Variants in ATP2B3 observed in about 807,000 individuals in gnomAD.
ATP2B3 encodes plasma membrane calcium-transporting ATPase 3.
In ATP2B3, 12 loss-of-function variants were observed where a neutral mutation model predicts 70.8. That is an observed-to-expected ratio of 0.17 (90% CI 0.11 to 0.27). The LOEUF is 0.27. Among genes scored for constraint, ATP2B3 ranks in the 10% least tolerant of loss-of-function variants. ATP2B3 has a pLI of 1.00. For synonymous variants in ATP2B3, 460 were observed against 497.8 expected, an observed-to-expected ratio of 0.92 and a Z score of 1.01; for missense variants, 858 against 1,118.5, an observed-to-expected ratio of 0.77 and a Z score of 3.32.
rs782060796 is a variant in ATP2B3 at position 153,569,233 on chromosome X, T to C, written c.3342+4130T>C. The C allele has an allele frequency of 3.2e-5, 14 of 438,714 alleles. No homozygotes were observed. In the South Asian group the frequency reaches 3.3e-4, roughly 10 times the overall value. 36.2% of individuals were successfully genotyped at this position (438,714 alleles called of 1,213,427 possible). On this transcript the variant is annotated intron_variant, in intron 21 of 21. Coordinates refer to ENST00000263519, the MANE Select transcript of ATP2B3 (RefSeq NM_001001344.3). ...CAGGGCGGGTTCTAATAGGAGCGTGTCATGTCCCTCAGGTGTGTTGGAGAG... is the reference window on the plus strand; with the variant it reads ...CAGGGCGGGTTCTAATAGGAGCGTGCCATGTCCCTCAGGTGTGTTGGAGAG...
chrX:153,569,193 C>T (rs2090752943), intron 21 of ATP2B3: 17 of 395,818 alleles, frequency 4.3e-5, no homozygotes, highest in South Asian at 3.8e-4. Flanking sequence ...ATAAGTCCTC[C>T]GGGTTTAGAG....
chrX:153,552,455 A>T (rs1170177309), intron 12 of ATP2B3, among the ~76,000 whole-genome samples: 2 of 111,026 alleles, frequency 1.8e-5, no homozygotes, highest in East Asian at 5.7e-4. Flanking sequence ...TCCTCTCCCC[A>T]CCTGAATCCT....
chrX:153,580,438 G>T lies in ATP2B3; in HGVS notation c.*140G>T. 1 of 642,743 alleles carries T rather than the reference G, an allele frequency of 1.6e-6. No homozygotes were observed. The highest frequency in any genetic ancestry group is 3.6e-5 in the East Asian group (1 of 28,169). The allele number at this position is 642,743 out of a possible 1,213,427, so 53.0% of individuals were successfully genotyped here. On this transcript the variant is annotated 3_prime_UTR_variant, in exon 22 of 22. Transcript: ENST00000263519. Reference sequence around the variant, plus strand: ...AACTAAGGTGGCTGAAGACCTTTCTGGCAGGGCATTTGCAAGGACCCAAAT... The same window carrying T: ...AACTAAGGTGGCTGAAGACCTTTCTTGCAGGGCATTTGCAAGGACCCAAAT...
chrX:153,533,465 G>A (rs2090146596), intron 2 of ATP2B3, among the ~76,000 whole-genome samples: 1 of 111,067 alleles, frequency 9.0e-6, no homozygotes, highest in Non-Finnish European at 1.9e-5. Flanking sequence ...GCTGGGAAGT[G>A]CTCAGAAGGA....
chrX:153,555,240 G>T (rs905153155), intron 13 of ATP2B3, among the ~76,000 whole-genome samples: 1 of 110,665 alleles, frequency 9.0e-6, no homozygotes, highest in Non-Finnish European at 1.9e-5. Flanking sequence ...CTCAGGGGGC[G>T]CCAGGATTCA....
chrX:153,563,136 CTTTTTTTTTTT>C (rs36131654), intron 20 of ATP2B3, among the ~76,000 whole-genome samples: 66 of 48,811 alleles, frequency 1.4e-3, no homozygotes, highest in African/African-American at 5.3e-3. Context: ...CTGGCTTTTC[CTTTTTTTTTTT>C]TTTTTTTTTT....
At chrX:153,554,848 G>A (rs2090511461) in intron 13 of ATP2B3, among the ~76,000 whole-genome samples, 1 of 112,379 alleles carries the variant, frequency 8.9e-6, no homozygotes, top group African/African-American at 3.2e-5. Flanking sequence ...CTGAGCAGGC[G>A]AGGAAGGACA....
intron 2 of ATP2B3, among the ~76,000 whole-genome samples, chrX:153,526,391 C>A (rs1272498262): frequency 5.4e-5 from 6 of 111,371 alleles, no homozygotes; most frequent in African/African-American, 2.0e-4. Flanking sequence ...TGTTGGGTCC[C>A]GGCCTGAGAG....
At chrX:153,529,926 A>G (rs1190352437) in intron 2 of ATP2B3, among the ~76,000 whole-genome samples, 1 of 112,693 alleles carries the variant, frequency 8.9e-6, no homozygotes, top group Non-Finnish European at 1.9e-5. Flanking sequence ...GTCCTATTCT[A>G]TGGCCTGGAT....
intron 8 of ATP2B3, among the ~76,000 whole-genome samples, chrX:153,547,501 C>T (rs1243769202): frequency 8.1e-5 from 9 of 111,297 alleles, no homozygotes. Flanking sequence ...TTCCTCGGGC[C>T]ACAGGCCTCT....
At chrX:153,572,708 C>G (rs1603126860) in intron 21 of ATP2B3, among the ~76,000 whole-genome samples, 1 of 111,809 alleles carries the variant, frequency 8.9e-6, no homozygotes, top group South Asian at 3.8e-4. Flanking sequence ...TCCACTGCCC[C>G]TCCCCTGCCC....
At chrX:153,557,776 C>G (rs2090560913) in intron 16 of ATP2B3, among the ~76,000 whole-genome samples, 1 of 110,364 alleles carries the variant, frequency 9.1e-6, no homozygotes, top group Admixed American at 9.6e-5. Flanking sequence ...CTCTGGAGTG[C>G]TAAGAACAGA....
chrX:153,567,126 G>A lies in ATP2B3; in HGVS notation c.3342+2023G>A, dbSNP rs782717480. Reference sequence around the variant, plus strand: ...CCAGAACACAGAGAGCCCCGGTGAGGAAGGGGAGCAGGCTTTGTCGCCAGA... The same window carrying A: ...CCAGAACACAGAGAGCCCCGGTGAGAAAGGGGAGCAGGCTTTGTCGCCAGA... On this transcript the variant is annotated intron_variant, in intron 21 of 21. Transcript: ENST00000263519. Among the ~76,000 whole-genome samples, 8 of 113,074 alleles carry A rather than the reference G, an allele frequency of 7.1e-5. No individual in the cohort carries two copies. The South Asian group carries it at 2.9e-3, about 41-fold the overall frequency.
At chrX:153,575,212 G>A (rs907246590) in intron 21 of ATP2B3, among the ~76,000 whole-genome samples, 2 of 112,892 alleles carry the variant, frequency 1.8e-5, no homozygotes, top group Non-Finnish European at 3.8e-5. Context: ...ACAGGAGGCT[G>A]GTGCAAAGCC....
Position 153,548,641 on chromosome X carries a change from G to C in ATP2B3, c.1125G>C (p.Gly375=), listed in dbSNP as rs1557009793. The stretch of plus-strand genomic sequence containing the variant: ...CGTCTCCTCCCCGCTCTGTGGCAGG[G>C]CTGGTGATGTCTGCCATCACCGTCA... ...TKLAVQIGKA[G]LVMSAITVII... is the part of the protein sequence containing the mutation. Residue 375 remains glycine, a splice_region_variant and synonymous_variant, in exon 10 of 22, where the codon GGG becomes GGC. Transcript: ENST00000263519. 8.3e-7 allele frequency: 1 copy of C among 1,208,778 alleles called. No individual in the cohort carries two copies. Among genetic ancestry groups the C allele is most frequent in the Admixed American group, 2.2e-5 (1 of 46,007 alleles).
chrX:153,578,658 C>T lies in ATP2B3; in HGVS notation c.3343-1320C>T, dbSNP rs185539872. 2.5e-3 allele frequency among the ~76,000 whole-genome samples: 278 copies of T among 112,582 alleles called. 2 individuals are homozygous for T. The highest frequency in any genetic ancestry group is 0.021 in the South Asian group (58 of 2,726). On this transcript the variant is annotated intron_variant, in intron 21 of 21. Coordinates refer to ENST00000263519, the MANE Select transcript of ATP2B3 (RefSeq NM_001001344.3). ...AGCTGGGGGCAGAGGGCCACTGTGC[C>T]GGGGGAGTCTGGGGCACAGCGGGAG...
At chrX:153,523,708 TTTTC>T (rs1427516784) in intron 2 of ATP2B3, among the ~76,000 whole-genome samples, 39 of 41,191 alleles carry the variant, frequency 9.5e-4, no homozygotes, top group East Asian at 5.6e-3. Context: ...TTTTTTTTTT[TTTTC>T]CCTGAGACAG....
chrX:153,558,059 G>A, intron 16 of ATP2B3, 53 bp from the exon 17 acceptor site: 1 of 1,132,660 alleles, frequency 8.8e-7, no homozygotes, highest in Non-Finnish European at 1.2e-6. Flanking sequence ...AAGGGGGGCT[G>A]GGGAAGGGGC....
In ATP2B3 at chrX:153,549,810, G is replaced by C. The variant is rs1394749263; in HGVS notation, c.1581+71G>C. On this transcript the variant is annotated intron_variant, in intron 11 of 21. Coordinates refer to ENST00000263519, the MANE Select transcript of ATP2B3 (RefSeq NM_001001344.3). The stretch of plus-strand genomic sequence containing the variant: ...GGGGAGGGTCCTGGCCAGGGTGCCA[G>C]GTGAGCTGTTGCAAGGTGCTCATTA... 6.1e-6 allele frequency: 7 copies of C among 1,144,070 alleles called. No individual in the cohort carries two copies. In the East Asian group the frequency reaches 1.5e-4, roughly 25 times the overall value. 94.3% of individuals were successfully genotyped at this position (1,144,070 alleles called of 1,213,427 possible).
Sources: allele counts gnomAD v4.1 joint callset (sites outside exome capture counted in the v4.1 genomes callset), GRCh38; gene constraint gnomAD v4.1.1; transcripts MANE v1.5; gene names NCBI Gene and HGNC (gene_info 2026-07-23, HGNC 2026-07-21).